Variants in SMCHD1 observed in about 807,000 individuals in gnomAD.
SMCHD1 encodes the protein structural maintenance of chromosomes flexible hinge domain containing 1.
In SMCHD1, 78 loss-of-function variants were observed where a neutral mutation model predicts 254.7. The ratio of observed to expected loss-of-function variants is 0.31; its 90% confidence interval spans 0.26 to 0.37. The LOEUF is 0.37. Among genes scored for constraint, SMCHD1 ranks in the 10% least tolerant of loss-of-function variants. The pLI is 1.00. For missense variants in SMCHD1, 1,840 were observed against 2,408.1 expected, an observed-to-expected ratio of 0.76 and a Z score of 4.94; for synonymous variants, 766 against 794.9, an observed-to-expected ratio of 0.96 and a Z score of 0.61.
chr18:2,775,916 T>C lies in SMCHD1; in HGVS notation c.5358T>C (p.Asp1786=), dbSNP rs1243301733. The change falls in exon 42 of 48, where the codon GAT becomes GAC. Residue 1786 remains aspartate, a synonymous_variant. Transcript: ENST00000320876. ...CTATTTACAAGAAGACTCTTCCAGA[T>C]TGGAAAAGGTTAGAAAAAAGTGAAA... The part of the protein sequence containing the change: ...LDSIYKKTLP[D]WKRSLPHFRN... The C allele has an allele frequency of 6.3e-7, 1 of 1,576,322 alleles. No individual in the cohort carries two copies. Among genetic ancestry groups the C allele is most frequent in the Non-Finnish European group, 8.6e-7 (1 of 1,168,716 alleles).
At chr18:2,700,341 A>G (rs1036856258) in intron 10 of SMCHD1, among the ~76,000 whole-genome samples, 198 bp from the exon 11 acceptor site, 8 of 152,352 alleles carry the variant, frequency 5.3e-5, no homozygotes, top group African/African-American at 1.7e-4. Context: ...TGGTTCATAT[A>G]TAAGTAATTA....
chr18:2,783,111 A>G (rs2076184113), intron 44 of SMCHD1, among the ~76,000 whole-genome samples: 1 of 151,890 alleles, frequency 6.6e-6, no homozygotes, highest in African/African-American at 2.4e-5. Flanking sequence ...TTCTTCATTC[A>G]TTAATATATG....
Position 2,718,045 on chromosome 18 carries a change from A to C in SMCHD1, c.2261-113A>C. 1.4e-6 allele frequency: 1 copy of C among 722,742 alleles called. No homozygotes were observed. Among genetic ancestry groups the C allele is most frequent in the East Asian group, 2.7e-5 (1 of 37,024 alleles). 44.8% of individuals were successfully genotyped at this position (722,742 alleles called of 1,614,324 possible). A position where few individuals can be genotyped will look rare whatever the true frequency, so the allele number is the denominator to read the frequency against. ...TAGTGTTAGATCTTTTGAAGCTTCAAAGCAGGTTTTAAAATACAGCAAATA... is the reference window on the plus strand; with the variant it reads ...TAGTGTTAGATCTTTTGAAGCTTCACAGCAGGTTTTAAAATACAGCAAATA... On this transcript the variant is annotated intron_variant, in intron 17 of 47. Transcript: ENST00000320876. The surrounding 1 kb of genome is among the most constrained non-coding windows in gnomAD (Gnocchi z 4.6).
At chr18:2,677,766 A>G (rs2073786490) in intron 5 of SMCHD1, among the ~76,000 whole-genome samples, 1 of 152,132 alleles carries the variant, frequency 6.6e-6, no homozygotes, top group African/African-American at 2.4e-5. Flanking sequence ...AGCTGGGACC[A>G]CAGGTGCATG....
At chr18:2,781,445 CAAAT>C (rs2076155455) in intron 44 of SMCHD1, among the ~76,000 whole-genome samples, 2 of 152,002 alleles carry the variant, frequency 1.3e-5, no homozygotes, top group African/African-American at 4.8e-5. Context: ...CTGATTGAAG[CAAAT>C]AAATGTTTTC....
rs1431779827 is a variant in SMCHD1, at chr18:2,770,031, A to G, written c.4889A>G (p.Lys1630Arg). ...QQQMAALTKE[K>R]DQLSQSIVMY... The stretch of plus-strand genomic sequence containing the variant: ...CAAATGGCAGCACTTACAAAAGAAA[A>G]GGACCAATTATCTCAGTCTATTGTT... The change falls in exon 39 of 48, where the codon AAG becomes AGG. Residue 1630 changes from lysine to arginine, a missense_variant. Lys to Arg is a conservative substitution (Grantham distance 26). Around this residue, in one of 9 missense-constraint regions of SMCHD1, gnomAD observed 881 missense variants for 1,009.5 expected, o/e 0.87. Transcript: ENST00000320876. 6.2e-7 allele frequency: 1 copy of G among 1,601,034 alleles called. No individual in the cohort carries two copies. The highest frequency in any genetic ancestry group is 1.1e-5 in the South Asian group (1 of 87,310).
chr18:2,787,518 A>G (rs1027875585), intron 45 of SMCHD1, among the ~76,000 whole-genome samples: 18 of 145,090 alleles, frequency 1.2e-4, no homozygotes, highest in Admixed American at 1.4e-4. Flanking sequence ...AGTCTCTACA[A>G]TGAGTGAATA....
chr18:2,704,137 A>G (rs562325536), intron 13 of SMCHD1, among the ~76,000 whole-genome samples: 1 of 152,272 alleles, frequency 6.6e-6, no homozygotes, highest in African/African-American at 2.4e-5. Context: ...AATTAGATGT[A>G]TTAAAATTTA....
intron 10 of SMCHD1, among the ~76,000 whole-genome samples, chr18:2,698,291 T>C (rs913431658): frequency 1.3e-5 from 2 of 152,224 alleles, no homozygotes; most frequent in Admixed American, 1.3e-4. Flanking sequence ...CTTTTAGATA[T>C]GTATGCGTAT....
chr18:2,665,263 T>C (rs1402306592), intron 1 of SMCHD1, among the ~76,000 whole-genome samples: 2 of 152,190 alleles, frequency 1.3e-5, no homozygotes, highest in Admixed American at 6.5e-5. Context: ...TTTTGTGTTT[T>C]TACTTTTTCT....
chr18:2,709,542 T>G (rs1003171555), intron 17 of SMCHD1, among the ~76,000 whole-genome samples: 4 of 152,072 alleles, frequency 2.6e-5, no homozygotes, highest in African/African-American at 9.7e-5. Context: ...TTCCTGTGGG[T>G]TTTTTTGTGG....
intron 14 of SMCHD1, among the ~76,000 whole-genome samples, 194 bp downstream of exon 14, chr18:2,706,001 TG>T (rs1253577700): frequency 1.3e-5 from 2 of 152,314 alleles, no homozygotes; most frequent in African/African-American, 4.8e-5. Flanking sequence ...GCTCAGTTTT[TG>T]TAAACATATA....
chr18:2,724,756 T>A, intron 20 of SMCHD1, 143 bp from the exon 21 acceptor site: 1 of 427,974 alleles, frequency 2.3e-6, no homozygotes, highest in Non-Finnish European at 4.2e-6. Flanking sequence ...TCCATTGGAA[T>A]TTTTTTCTGT....
intron 45 of SMCHD1, among the ~76,000 whole-genome samples, chr18:2,785,481 T>C (rs1350472509): frequency 6.8e-6 from 1 of 147,740 alleles, no homozygotes; most frequent in East Asian, 2.0e-4. Context: ...ACCCTGTCTC[T>C]ACTAAAAATA....
intron 29 of SMCHD1, 101 bp from the exon 30 acceptor site, chr18:2,747,421 G>C: frequency 9.4e-7 from 1 of 1,065,628 alleles, no homozygotes; most frequent in Non-Finnish European, 1.3e-6. Flanking sequence ...TTTGCAAATA[G>C]AACAGAGATA....
Position 2,750,331 on chromosome 18 carries a change from T to C in SMCHD1, c.4008-19T>C. 1 of 1,590,862 alleles carries C rather than the reference T, an allele frequency of 6.3e-7. No homozygotes were observed. Among genetic ancestry groups the C allele is most frequent in the Non-Finnish European group, 8.5e-7 (1 of 1,170,798 alleles). The stretch of plus-strand genomic sequence containing the variant: ...TTAACTAATGTAATTTGAACCCCTC[T>C]CCTCTTTTGTTTTGTTAGGGGAGAG... On this transcript the variant is annotated intron_variant, in intron 31 of 47. Transcript: ENST00000320876.
intron 17 of SMCHD1, among the ~76,000 whole-genome samples, chr18:2,717,355 C>CT (rs993159963): frequency 4.6e-5 from 7 of 151,220 alleles, no homozygotes; most frequent in African/African-American, 9.7e-5. Context: ...GTTTCTTTTG[C>CT]TTTTTTTTTG....
At chr18:2,675,610 G>C (rs1452292487) in intron 5 of SMCHD1, among the ~76,000 whole-genome samples, 4 of 152,050 alleles carry the variant, frequency 2.6e-5, no homozygotes, top group African/African-American at 7.2e-5. Context: ...TAAATATGTG[G>C]CATTTAAAGG....
chr18:2,735,262 A>G (rs940825620), intron 25 of SMCHD1, among the ~76,000 whole-genome samples: 1 of 152,294 alleles, frequency 6.6e-6, no homozygotes, highest in South Asian at 2.1e-4. Flanking sequence ...GATAAAAGCC[A>G]TCACTGGACA....
Sources: gnomAD v4.1 joint callset for allele counts (sites outside exome capture counted in the v4.1 genomes callset) on GRCh38, gnomAD v4.1.1 for gene constraint, gnomAD v4.1.1 regional missense constraint, Gnocchi (gnomAD v3.1) non-coding constraint, MANE v1.5 for transcripts, NCBI Gene and HGNC (gene_info 2026-07-23, HGNC 2026-07-21) for gene names.